The following TMTC2 variants were observed in gnomAD, a reference collection of about 807,000 sequenced individuals.
TMTC2 encodes protein O-mannosyl-transferase TMTC2.
Under a neutral mutation model 82.4 loss-of-function variants are expected in TMTC2, and 43 were observed. That is an observed-to-expected ratio of 0.52 (90% CI 0.41 to 0.67). The LOEUF is 0.67. Among genes scored for constraint, TMTC2 ranks in the 30% least tolerant of loss-of-function variants. TMTC2 has a pLI of 0.00. For synonymous variants in TMTC2, 408 were observed against 381.9 expected (o/e 1.07, Z -0.80); for missense variants, 919 against 1,012.4 (o/e 0.91, Z 1.25).
chr12:82,817,823 C>G (rs996496880), intron 1 of TMTC2, among the ~76,000 whole-genome samples: 8 of 152,078 alleles, frequency 5.3e-5, no homozygotes, highest in African/African-American at 1.9e-4. Flanking sequence ...CCTTTTGTGT[C>G]TCTTCATTTT....
Position 82,805,126 on chromosome 12 carries a change from G to A in TMTC2, c.84-51884G>A, listed in dbSNP as rs186998953. Among the ~76,000 whole-genome samples the A allele has an allele frequency of 7.7e-3, 1,173 of 152,186 alleles. 15 individuals are homozygous for A. The highest frequency in any genetic ancestry group is 0.031 in the Middle Eastern group (9 of 294). Reference sequence around the variant, plus strand: ...GTATTTGTCCCTATTGGCTAGCAACGTAGAACTTTCAAAAAGAGGCAAAGG... The same window carrying A: ...GTATTTGTCCCTATTGGCTAGCAACATAGAACTTTCAAAAAGAGGCAAAGG... On this transcript the variant is annotated intron_variant, in intron 1 of 11. Coordinates refer to ENST00000321196, the MANE Select transcript of TMTC2 (RefSeq NM_152588.3).
chr12:83,036,040 C>G (rs1173852565), intron 9 of TMTC2, among the ~76,000 whole-genome samples: 2 of 152,158 alleles, frequency 1.3e-5, no homozygotes, highest in African/African-American at 4.8e-5. Context: ...ACAACTCGAA[C>G]AGTTTCTTCT....
intron 1 of TMTC2, among the ~76,000 whole-genome samples, chr12:82,744,389 C>G (rs1875572284): frequency 6.6e-6 from 1 of 152,090 alleles, no homozygotes; most frequent in South Asian, 2.1e-4. Context: ...TGCCACTGCA[C>G]TTCAGCCCGG....
At chr12:82,962,354 G>A (rs1486425352) in intron 4 of TMTC2, among the ~76,000 whole-genome samples, 2 of 152,032 alleles carry the variant, frequency 1.3e-5, no homozygotes, top group African/African-American at 4.8e-5. Flanking sequence ...TAATTAGTGG[G>A]CTATTGCCAT....
intron 2 of TMTC2, among the ~76,000 whole-genome samples, chr12:82,863,460 T>C (rs1177871389): frequency 1.3e-5 from 2 of 152,206 alleles, no homozygotes; most frequent in Non-Finnish European, 2.9e-5. Context: ...TGTAGTACTA[T>C]AAAACTTTGA....
intron 1 of TMTC2, among the ~76,000 whole-genome samples, chr12:82,690,052 C>G (rs1872513317): frequency 6.6e-6 from 1 of 152,140 alleles, no homozygotes; most frequent in African/African-American, 2.4e-5. Context: ...TAAATAGGAG[C>G]ACTGAACTTA....
chr12:82,812,015 G>T (rs1036041807), intron 1 of TMTC2, among the ~76,000 whole-genome samples: 12 of 151,460 alleles, frequency 7.9e-5, no homozygotes, highest in African/African-American at 2.7e-4. Flanking sequence ...ACATGGTTTC[G>T]CCATGTTGGC....
chr12:82,983,631 A>T (rs527469459), intron 7 of TMTC2, among the ~76,000 whole-genome samples: 3 of 152,156 alleles, frequency 2.0e-5, no homozygotes, highest in African/African-American at 7.2e-5. Flanking sequence ...TCTAAAAATC[A>T]ATTAAATTTT....
At chr12:83,009,576 G>A (rs1440583003) in intron 8 of TMTC2, among the ~76,000 whole-genome samples, 3 of 152,062 alleles carry the variant, frequency 2.0e-5, no homozygotes, top group Admixed American at 2.0e-4. Flanking sequence ...TTTCCAGTTT[G>A]TCTAGTTCTT....
rs1412686517 is a variant in TMTC2, at chr12:82,985,953, C to T, written c.1977C>T (p.Leu659=). 1.2e-6 allele frequency: 2 copies of T among 1,613,906 alleles called. No individual in the cohort carries two copies. Among genetic ancestry groups the T allele is most frequent in the East Asian group, 2.2e-5 (1 of 44,866 alleles). The change falls in exon 8 of 12, where the codon CTC becomes CTT. Residue 659 remains leucine (L), a synonymous_variant. Transcript: ENST00000321196. ...AAGCATATATGCGTTTAAGCAAACT[C>T]CCCGAAGCAGAGCATTGGTATATGG... ...MGEAYMRLSK[L]PEAEHWYMES...
At chr12:82,697,902 A>T (rs937209882) in intron 1 of TMTC2, among the ~76,000 whole-genome samples, 1 of 152,186 alleles carries the variant, frequency 6.6e-6, no homozygotes, top group African/African-American at 2.4e-5. Context: ...TTGCATGAAG[A>T]CTTTATAGAT....
At chr12:83,079,022 C>A (rs969286573) in intron 11 of TMTC2, among the ~76,000 whole-genome samples, 2 of 151,752 alleles carry the variant, frequency 1.3e-5, no homozygotes, top group Admixed American at 1.3e-4. Context: ...GCATGATTTA[C>A]AAAATATATA....
chr12:82,937,917 T>A (rs1279912481), intron 4 of TMTC2, among the ~76,000 whole-genome samples: 1 of 33,588 alleles, frequency 3.0e-5, no homozygotes, highest in Admixed American at 4.3e-4. Context: ...CCTTTTTTTT[T>A]TTTTATTTTT....
chr12:83,071,421 T>A (rs1198887825), intron 11 of TMTC2, among the ~76,000 whole-genome samples: 1 of 152,178 alleles, frequency 6.6e-6, no homozygotes, highest in African/African-American at 2.4e-5. Context: ...CCTCCCAAAG[T>A]GCTGGGATTA....
intron 8 of TMTC2, among the ~76,000 whole-genome samples, chr12:83,013,514 C>T (rs1287589633): frequency 1.3e-5 from 2 of 152,198 alleles, no homozygotes; most frequent in Non-Finnish European, 2.9e-5. Flanking sequence ...GGATATAATG[C>T]CTTCTTTGCA....
At chr12:83,023,358 G>A (rs1030741692) in intron 8 of TMTC2, among the ~76,000 whole-genome samples, 8 of 152,130 alleles carry the variant, frequency 5.3e-5, no homozygotes, top group African/African-American at 1.9e-4. Flanking sequence ...AACATATCTG[G>A]CTCCCAGGCT....
At chr12:82,828,884 T>C (rs996992781) in intron 1 of TMTC2, among the ~76,000 whole-genome samples, 1 of 152,078 alleles carries the variant, frequency 6.6e-6, no homozygotes, top group African/African-American at 2.4e-5. Context: ...TTGCTTAATA[T>C]AGTGATTAAA....
At chr12:83,027,674 A>T (rs1259973575) in intron 8 of TMTC2, among the ~76,000 whole-genome samples, 1 of 152,206 alleles carries the variant, frequency 6.6e-6, no homozygotes, top group Non-Finnish European at 1.5e-5. Flanking sequence ...GTCAAAGCAG[A>T]AAGATGAGTT....
intron 8 of TMTC2, among the ~76,000 whole-genome samples, chr12:83,011,035 A>T (rs1019557685): frequency 2.0e-5 from 3 of 152,122 alleles, no homozygotes; most frequent in African/African-American, 4.8e-5. Flanking sequence ...GGGTTTTGCC[A>T]TGTTGGCCAG....
Sources: gnomAD v4.1 joint callset for allele counts (sites outside exome capture counted in the v4.1 genomes callset) on GRCh38, gnomAD v4.1.1 for gene constraint, MANE v1.5 for transcripts, NCBI Gene and HGNC (gene_info 2026-07-23, HGNC 2026-07-21) for gene names.